Variants in CTNND2 observed in about 807,000 individuals in gnomAD.
CTNND2 encodes catenin delta 2, also known as catenin delta-2.
Under a neutral mutation model 144.4 loss-of-function variants are expected in CTNND2, and 22 were observed. The ratio of observed to expected loss-of-function variants is 0.15; its 90% CI spans 0.11 to 0.22. CTNND2 has a LOEUF of 0.22. CTNND2 is among the 10% of genes least tolerant of loss of function. The pLI, the probability that CTNND2 is intolerant of heterozygous loss-of-function variation, is 1.00. For missense variants in CTNND2, 1,353 were observed against 1,618.8 expected, an observed-to-expected ratio of 0.84 and a Z score of 2.82; for synonymous variants, 751 against 695.6, an observed-to-expected ratio of 1.08 and a Z score of -1.25.
chr5:11,117,505 T>A lies in CTNND2; in HGVS notation c.2222A>T (p.Asp741Val), dbSNP rs1408655111. ...RRMRECDGLT[D>V]ALLYVIQSAL... ...AGACTGGATCACGTACAGCAAGGCATCCGTAAGCCCATCACACTCTCTCAT... is the reference window on the plus strand; with the variant it reads ...AGACTGGATCACGTACAGCAAGGCAACCGTAAGCCCATCACACTCTCTCAT... The change falls in exon 13 of 22, where the codon GAT becomes GTT. Residue 741 changes from aspartate (D) to valine (V), a missense_variant. By Grantham distance (152) the Asp-to-Val change is radical (BLOSUM62 -3). Transcript: ENST00000304623. 6.2e-7 allele frequency: 1 copy of A among 1,614,036 alleles called. No individual in the cohort carries two copies. Among genetic ancestry groups the A allele is most frequent in the Non-Finnish European group, 8.5e-7 (1 of 1,180,030 alleles).
At chr5:11,298,582 T>C (rs893104702) in intron 9 of CTNND2, among the ~76,000 whole-genome samples, 25 of 152,244 alleles carry the variant, frequency 1.6e-4, no homozygotes, top group Admixed American at 1.4e-3. Flanking sequence ...GCCTAAATCA[T>C]TGGATTTTCT....
chr5:11,794,188 G>T (rs1020587428), intron 1 of CTNND2, among the ~76,000 whole-genome samples: 1 of 152,186 alleles, frequency 6.6e-6, no homozygotes, highest in East Asian at 1.9e-4. Flanking sequence ...CTTCCCTAAG[G>T]AATTTTATTT....
At chr5:11,036,650 A>G (rs1306690961) in intron 16 of CTNND2, among the ~76,000 whole-genome samples, 1 of 152,086 alleles carries the variant, frequency 6.6e-6, no homozygotes. Flanking sequence ...CGGCCTCCCA[A>G]AGTGCTGGGA....
At chr5:11,001,030 C>G (rs536818561) in intron 18 of CTNND2, among the ~76,000 whole-genome samples, 25 of 152,258 alleles carry the variant, frequency 1.6e-4, no homozygotes, top group African/African-American at 5.5e-4. Flanking sequence ...TCTCCATTCC[C>G]AAGGTTGACT....
At chr5:11,237,310 C>T (rs922294426) in intron 9 of CTNND2, among the ~76,000 whole-genome samples, 20 of 152,106 alleles carry the variant, frequency 1.3e-4, no homozygotes, top group African/African-American at 4.6e-4. Flanking sequence ...TGAGCCAGCG[C>T]GCCCAGCCTA....
chr5:11,348,722 A>C (rs1233070358), intron 8 of CTNND2, among the ~76,000 whole-genome samples: 2 of 151,894 alleles, frequency 1.3e-5, no homozygotes, highest in Non-Finnish European at 2.9e-5. Flanking sequence ...CACACAAAAA[A>C]CTCTCAAAGG....
chr5:10,973,280 GA>G lies in CTNND2; in HGVS notation c.*172del. 1 of 640,428 alleles carries G rather than the reference GA, an allele frequency of 1.6e-6. No homozygotes were observed. Among genetic ancestry groups the G allele is most frequent in the Non-Finnish European group, 2.4e-6 (1 of 412,340 alleles). The allele number at this position is 640,428 out of a possible 1,614,324, so 39.7% of individuals were successfully genotyped here. A position where few individuals can be genotyped will look rare whatever the true frequency, so the allele number is the denominator to read the frequency against. ...TCTACTGATTTCCAAGTTAACTTGC[GA>G]TTCATTTAGCTTTCTAAAATAGCTC... On this transcript the variant is annotated 3_prime_UTR_variant, in exon 22 of 22. Transcript: ENST00000304623. This position sits in a 1 kb window ranked among gnomAD's most constrained non-coding sequence, Gnocchi z 5.6.
intron 9 of CTNND2, among the ~76,000 whole-genome samples, chr5:11,303,601 T>C (rs144886691): frequency 2.5e-3 from 387 of 152,334 alleles, no homozygotes; most frequent in African/African-American, 9.1e-3. Flanking sequence ...CTGCTGACCA[T>C]AATGACCTGA....
intron 1 of CTNND2, among the ~76,000 whole-genome samples, chr5:11,789,784 A>G (rs1791036404): frequency 6.6e-6 from 1 of 152,352 alleles, no homozygotes; most frequent in South Asian, 2.1e-4. Flanking sequence ...AAAGCATAAC[A>G]TTCCAGATTT....
chr5:11,618,093 T>A (rs565522780), intron 2 of CTNND2, among the ~76,000 whole-genome samples: 1 of 152,238 alleles, frequency 6.6e-6, no homozygotes, highest in South Asian at 2.1e-4. Context: ...TCAGGCTTTT[T>A]TTTTTTAATA....
chr5:11,801,476 G>C (rs957391241), intron 1 of CTNND2, among the ~76,000 whole-genome samples: 5 of 152,140 alleles, frequency 3.3e-5, no homozygotes, highest in African/African-American at 1.2e-4. Flanking sequence ...ATGTGTAAAG[G>C]CAACACTGGT....
At chr5:11,432,856 G>A (rs1443576506) in intron 3 of CTNND2, among the ~76,000 whole-genome samples, 1 of 152,068 alleles carries the variant, frequency 6.6e-6, no homozygotes, top group Non-Finnish European at 1.5e-5. Context: ...AATTTTATAG[G>A]GGAAAAAATC....
chr5:11,745,736 T>C (rs970727241), intron 1 of CTNND2, among the ~76,000 whole-genome samples: 1 of 152,176 alleles, frequency 6.6e-6, no homozygotes, highest in African/African-American at 2.4e-5. Context: ...GTCCATGCAT[T>C]ATTCATTAAA....
intron 7 of CTNND2, among the ~76,000 whole-genome samples, chr5:11,383,951 G>C (rs2548402): frequency 0.35 from 52,933 of 152,050 alleles, 10,082 homozygotes; most frequent in East Asian, 0.53. Flanking sequence ...TCTAAACTGG[G>C]AGAGGAAAGC....
At chr5:11,172,398 T>G (rs1305216554) in intron 11 of CTNND2, among the ~76,000 whole-genome samples, 1 of 152,208 alleles carries the variant, frequency 6.6e-6, no homozygotes, top group African/African-American at 2.4e-5. Flanking sequence ...ACTGAACAAC[T>G]TCATTCATTT....
chr5:11,185,574 G>A (rs1042240795), intron 11 of CTNND2, among the ~76,000 whole-genome samples: 4 of 152,208 alleles, frequency 2.6e-5, no homozygotes, highest in Admixed American at 2.6e-4. Flanking sequence ...GATGTACACA[G>A]CTGCCATGAT....
At chr5:11,754,429 G>C (rs543206051) in intron 1 of CTNND2, among the ~76,000 whole-genome samples, 5 of 136,146 alleles carry the variant, frequency 3.7e-5, no homozygotes, top group Admixed American at 2.4e-4. Context: ...TGGTTTTTTG[G>C]GGGAGGGGGC....
chr5:11,589,281 A>AC (rs1199472820), intron 2 of CTNND2, among the ~76,000 whole-genome samples: 25 of 130,042 alleles, frequency 1.9e-4, no homozygotes, highest in African/African-American at 7.4e-4. Context: ...GTTAACATTA[A>AC]AACACACACA....
At chr5:11,233,184 C>T (rs1741235555) in intron 10 of CTNND2, among the ~76,000 whole-genome samples, 1 of 152,106 alleles carries the variant, frequency 6.6e-6, no homozygotes, top group Non-Finnish European at 1.5e-5. Flanking sequence ...AGGAGATGGT[C>T]TTAAATCCAA....
Sources: gnomAD v4.1 joint callset for allele counts (sites outside exome capture counted in the v4.1 genomes callset) on GRCh38, gnomAD v4.1.1 for gene constraint, Gnocchi (gnomAD v3.1) non-coding constraint, MANE v1.5 for transcripts, NCBI Gene and HGNC (gene_info 2026-07-23, HGNC 2026-07-21) for gene names.